COL3A1: variants seen among roughly 807,000 people sequenced by gnomAD.
COL3A1 encodes the protein collagen alpha-1(III) chain.
A neutral mutation model predicts 200.9 loss-of-function variants in COL3A1; 46 were observed. The ratio of observed to expected loss-of-function variants is 0.23; its 90% CI spans 0.18 to 0.29. The LOEUF (loss-of-function observed/expected upper bound fraction) is 0.29. Among genes scored for constraint, COL3A1 ranks in the 10% least tolerant of loss-of-function variants. The pLI is 1.00. For synonymous variants in COL3A1, 650 were observed against 628.0 expected, an observed-to-expected ratio of 1.03 and a Z score of -0.52; for missense variants, 1,367 against 1,917.6, an observed-to-expected ratio of 0.71 and a Z score of 5.36.
rs1284081345 is a variant in COL3A1, at chr2:189,009,208, T to G, written c.3810T>G (p.Pro1270=). 6.2e-7 allele frequency: 1 copy of G among 1,614,162 alleles called. No individual in the cohort carries two copies. Residue 1270 remains proline, a synonymous_variant, in exon 48 of 51, where the codon CCT becomes CCG. Transcript: ENST00000304636. The part of the protein sequence containing the change: ...RNCRDLKFCH[P]ELKSGEYWVD... ...GCAGAGACCTGAAATTCTGCCATCC[T>G]GAACTCAAGAGTGGTATGTTTGGTA...
chr2:188,983,820 C>T (rs538792637), intron 1 of COL3A1, among the ~76,000 whole-genome samples: 65 of 152,038 alleles, frequency 4.3e-4, no homozygotes, highest in African/African-American at 1.5e-3. Context: ...CAATTACTGG[C>T]AAACTATCAT....
At chr2:188,998,394 T>C in intron 28 of COL3A1, 75 bp downstream of exon 28, 1 of 1,249,772 alleles carries the variant, frequency 8.0e-7, no homozygotes, top group South Asian at 1.3e-5. Context: ...TATTAACTTC[T>C]TAATTTTCTT....
intron 36 of COL3A1, 96 bp from the exon 37 acceptor site, chr2:189,003,315 C>T: frequency 9.5e-7 from 1 of 1,056,848 alleles, no homozygotes; most frequent in South Asian, 1.3e-5. Context: ...GTTATTTTAA[C>T]CTCTTCATAG....
chr2:189,011,285 T>G (rs1383597458), intron 50 of COL3A1, among the ~76,000 whole-genome samples: 1 of 152,220 alleles, frequency 6.6e-6, no homozygotes, highest in African/African-American at 2.4e-5. Context: ...AAAACTCACT[T>G]CTAATATTAG....
At position 188,997,014 on chromosome 2, in the gene COL3A1, T is replaced by TATATATATATGAGAC. The variant is rs66853741; in HGVS notation, c.1762-74_1762-60dup. ...AAAAATATGTATGTGTGTGTGTGTA[T>TATATATATATGAGAC]ATATATATATGAGACATATATATAT... On this transcript the variant is annotated intron_variant, in intron 24 of 50. Coordinates refer to ENST00000304636, the MANE Select transcript of COL3A1 (RefSeq NM_000090.4). 0.02 allele frequency: 11,706 copies of TATATATATATGAGAC among 578,090 alleles called. 1,895 individuals are homozygous for TATATATATATGAGAC. Among genetic ancestry groups the TATATATATATGAGAC allele is most frequent in the Admixed American group, 0.042 (1,548 of 36,908 alleles). The allele number at this position is 578,090 out of a possible 1,614,324, so 35.8% of individuals were successfully genotyped here. A position where few individuals can be genotyped will look rare whatever the true frequency, so the allele number is the denominator to read the frequency against.
intron 47 of COL3A1, 76 bp downstream of exon 47, chr2:189,008,218 T>C (rs1688639836): frequency 7.7e-7 from 1 of 1,298,594 alleles, no homozygotes; most frequent in African/African-American, 1.5e-5. Context: ...CGCATTATGT[T>C]TAAATTGAAA....
intron 5 of COL3A1, 66 bp downstream of exon 5, chr2:188,987,205 G>A: frequency 1.5e-6 from 2 of 1,309,300 alleles, no homozygotes; most frequent in Non-Finnish European, 2.2e-6. Flanking sequence ...AATCTTGAAT[G>A]GTTGCTCTTC....
rs988606527 is a variant in COL3A1, at chr2:189,009,237, T to G, written c.3823+16T>G. The G allele has an allele frequency of 6.2e-7, 1 of 1,613,900 alleles. No individual in the cohort carries two copies. The highest frequency in any genetic ancestry group is 1.3e-5 in the African/African-American group (1 of 74,936). ...CTCAAGAGTGGTATGTTTGGTAGTC[T>G]TTCATCTTCATGGCAATAGGATTAC... is the stretch of plus-strand genomic sequence containing the variant. On this transcript the variant is annotated intron_variant, in intron 48 of 50. Transcript: ENST00000304636.
chr2:189,006,460 C>T lies in COL3A1; in HGVS notation c.3201+8C>T, dbSNP rs765137525. The T allele has an allele frequency of 1.9e-6, 3 of 1,612,256 alleles. No individual in the cohort carries two copies. In the African/African-American group the frequency reaches 4.0e-5, roughly 22 times the overall value. On this transcript the variant is annotated splice_region_variant and intron_variant, in intron 43 of 50. Transcript: ENST00000304636. ...GGTGACAGAGGAGAAAGTGTGAGTT[C>T]CCAAAAGCAGCATCTGTCTTGTTTG...
rs373994011 is a variant in COL3A1, at chr2:189,004,252, A to T, written c.2824-5A>T. ...GATGAGCTAAGTCTTCATTATCTGT[A>T]TTAGGGAGCTCCAGGCCCACTTGGG... On this transcript the variant is annotated splice_region_variant and splice_polypyrimidine_tract_variant and intron_variant, in intron 39 of 50. Coordinates refer to ENST00000304636, the MANE Select transcript of COL3A1 (RefSeq NM_000090.4). 1.7e-5 allele frequency: 27 copies of T among 1,601,288 alleles called. No homozygotes were observed. In the African/African-American group the frequency reaches 3.6e-4, roughly 21 times the overall value.
intron 1 of COL3A1, among the ~76,000 whole-genome samples, chr2:188,977,135 TAA>T (rs1172192872): frequency 7.2e-5 from 11 of 152,174 alleles, no homozygotes; most frequent in African/African-American, 2.7e-4. Context: ...GACTATTGTT[TAA>T]ATACATTTTT....
chr2:189,004,915 C>A (rs139869698), intron 40 of COL3A1, among the ~76,000 whole-genome samples: 3 of 152,254 alleles, frequency 2.0e-5, no homozygotes, highest in African/African-American at 7.2e-5. Flanking sequence ...GTAATATTGT[C>A]ATAAAATTAA....
At chr2:189,007,699 C>T (rs1688626149) in intron 45 of COL3A1, 92 bp downstream of exon 45, 5 of 1,256,456 alleles carry the variant, frequency 4.0e-6, no homozygotes, top group South Asian at 3.8e-5. Flanking sequence ...AAAATATGTA[C>T]TAGAAGAGAT....
At position 188,981,139 on chromosome 2, in the gene COL3A1, T is replaced by C. The variant is rs553666820; in HGVS notation, c.80-3621T>C. On this transcript the variant is annotated intron_variant, in intron 1 of 50. Transcript: ENST00000304636. Reference sequence around the variant, plus strand: ...TTCTTCAAGTCAGCATGATTTAACATGAAGAATGGAAACAAAAAAATCACA... The same window carrying C: ...TTCTTCAAGTCAGCATGATTTAACACGAAGAATGGAAACAAAAAAATCACA... Among the ~76,000 whole-genome samples, 9 of 151,532 alleles carry C rather than the reference T, an allele frequency of 5.9e-5. No individual in the cohort carries two copies. In the South Asian group the frequency reaches 1.9e-3, roughly 31 times the overall value.
chr2:189,010,544 A>G, intron 49 of COL3A1, 104 bp from the exon 50 acceptor site: 2 of 1,526,896 alleles, frequency 1.3e-6, no homozygotes, highest in Non-Finnish European at 1.8e-6. Context: ...TACATAAAAT[A>G]TATAAACAGC....
At chr2:188,977,701 T>C (rs975713920) in intron 1 of COL3A1, among the ~76,000 whole-genome samples, 13 of 152,088 alleles carry the variant, frequency 8.5e-5, no homozygotes, top group Non-Finnish European at 1.6e-4. Context: ...TAGATAATTA[T>C]AGAATACACA....
intron 40 of COL3A1, 22 bp from the exon 41 acceptor site, chr2:189,005,328 T>C (rs755010409): frequency 3.1e-6 from 5 of 1,592,610 alleles, no homozygotes; most frequent in African/African-American, 2.7e-5. Flanking sequence ...AAACAAAATG[T>C]TTTTCATTCC....
At chr2:189,001,630 T>C in intron 34 of COL3A1, 41 bp downstream of exon 34, 2 of 1,607,758 alleles carry the variant, frequency 1.2e-6, no homozygotes, top group Non-Finnish European at 1.7e-6. Flanking sequence ...TTTAACCCCA[T>C]ACAGACAGTA....
chr2:188,995,063 A>C lies in COL3A1; in HGVS notation c.1473A>C (p.Arg491=), dbSNP rs759650260. 13 of 1,614,246 alleles carry C rather than the reference A, an allele frequency of 8.1e-6. No homozygotes were observed. In the South Asian group the frequency reaches 1.1e-4, roughly 14 times the overall value. Residue 491 remains arginine (R), a synonymous_variant, in exon 21 of 51, where the codon CGA becomes CGC. Transcript: ENST00000304636. ...ATTTTCAGGGTGCCCCTGGGTTCCG[A>C]GGACCTGCTGGACCAAATGGCATCC... ...AAGERGAPGF[R]GPAGPNGIPG... is the part of the protein sequence containing the mutation.
Sources: allele counts gnomAD v4.1 joint callset (sites outside exome capture counted in the v4.1 genomes callset), GRCh38; gene constraint gnomAD v4.1.1; transcripts MANE v1.5; gene names NCBI Gene and HGNC (gene_info 2026-07-23, HGNC 2026-07-21).